UNC5B: variants seen among roughly 807,000 people sequenced by gnomAD.
The protein encoded by UNC5B is netrin receptor UNC5B.
Under a neutral mutation model 103.7 loss-of-function variants are expected in UNC5B, and 56 were observed. The ratio of observed to expected loss-of-function variants is 0.54; its 90% confidence interval spans 0.44 to 0.67. The LOEUF is 0.67. UNC5B is among the 30% of genes least tolerant of loss of function. UNC5B has a pLI of 0.00. For synonymous variants in UNC5B, 577 were observed against 542.0 expected, an observed-to-expected ratio of 1.06 and a Z score of -0.90; for missense variants, 1,194 against 1,284.5, an observed-to-expected ratio of 0.93 and a Z score of 1.08.
chr10:71,245,097 C>A (rs141971901), intron 1 of UNC5B, among the ~76,000 whole-genome samples: 1 of 152,246 alleles, frequency 6.6e-6, no homozygotes, highest in Non-Finnish European at 1.5e-5. Flanking sequence ...CTATTGTCCC[C>A]GGGCTCCCTT....
chr10:71,236,041 C>T (rs377064472), intron 1 of UNC5B, among the ~76,000 whole-genome samples: 9 of 152,330 alleles, frequency 5.9e-5, no homozygotes, highest in Admixed American at 4.6e-4. Flanking sequence ...GGGTCTCACT[C>T]GTCAACTGTA....
At chr10:71,293,261 CA>C (rs932995164) in intron 11 of UNC5B, 143 bp from the exon 12 acceptor site, 1 of 901,708 alleles carries the variant, frequency 1.1e-6, no homozygotes, top group African/African-American at 1.7e-5. Context: ...CCTTTGCCCC[CA>C]TGACCTCTGG....
intron 13 of UNC5B, 118 bp downstream of exon 13, chr10:71,294,051 A>G (rs1001621286): frequency 3.2e-6 from 3 of 933,624 alleles, no homozygotes; most frequent in Non-Finnish European, 4.7e-6. Flanking sequence ...CACCAGCATT[A>G]TTAGGTCCCG....
chr10:71,279,942 C>T lies in UNC5B; in HGVS notation c.201C>T (p.Leu67=), dbSNP rs769369141. 1 of 1,613,992 alleles carries T rather than the reference C, an allele frequency of 6.2e-7. No homozygotes were observed. Among genetic ancestry groups the T allele is most frequent in the Non-Finnish European group, 8.5e-7 (1 of 1,180,020 alleles). The change falls in exon 2 of 17, where the codon CTC becomes CTT. Residue 67 remains leucine (L), a synonymous_variant. Transcript: ENST00000335350. The part of the protein sequence containing the change: ...AYIVKNKPVE[L]RCRAFPATQI... ...TTGTGAAGAACAAGCCTGTGGAGCT[C>T]CGCTGCCGCGCCTTCCCCGCCACAC...
intron 8 of UNC5B, 97 bp from the exon 9 acceptor site, chr10:71,290,818 G>T: frequency 7.1e-7 from 1 of 1,407,436 alleles, no homozygotes; most frequent in Non-Finnish European, 9.5e-7. Flanking sequence ...CGGGCCGGTT[G>T]GCCCTGGGCC....
intron 1 of UNC5B, among the ~76,000 whole-genome samples, chr10:71,265,387 T>C (rs1369787013): frequency 6.6e-6 from 1 of 152,092 alleles, no homozygotes; most frequent in Non-Finnish European, 1.5e-5. Flanking sequence ...ATCAGGGGTG[T>C]CTGGGATGGA....
At chr10:71,231,773 TAA>T (rs1843689246) in intron 1 of UNC5B, among the ~76,000 whole-genome samples, 1 of 152,144 alleles carries the variant, frequency 6.6e-6, no homozygotes, top group African/African-American at 2.4e-5. Context: ...ACACTTATGT[TAA>T]AAAGAGACTA....
chr10:71,296,470 GA>G, intron 14 of UNC5B, 107 bp from the exon 15 acceptor site: 2 of 1,288,304 alleles, frequency 1.6e-6, no homozygotes, highest in East Asian at 5.0e-5. Flanking sequence ...TCTGGGTGGA[GA>G]GGCCTGAACT....
Position 71,222,201 on chromosome 10 carries a change from C to T in UNC5B, c.79+9137C>T, listed in dbSNP as rs114256607. 6.0e-3 allele frequency among the ~76,000 whole-genome samples: 907 copies of T among 152,156 alleles called. 11 individuals carry two copies. Among genetic ancestry groups the T allele is most frequent in the African/African-American group, 0.02 (845 of 41,500 alleles). On this transcript the variant is annotated intron_variant, in intron 1 of 16. Coordinates refer to ENST00000335350, the MANE Select transcript of UNC5B (RefSeq NM_170744.5). ...GTGTGGCCCTGGTAGGGGATGTGTA[C>T]GTGAAGGTATGGGTGTGAATGTCTG... is the stretch of plus-strand genomic sequence containing the variant.
intron 1 of UNC5B, among the ~76,000 whole-genome samples, chr10:71,229,732 T>G (rs756288994): frequency 1.3e-5 from 2 of 152,180 alleles, no homozygotes; most frequent in Admixed American, 6.5e-5. Flanking sequence ...GTTGTTGTGC[T>G]TCTGGGGCAG....
At chr10:71,221,986 A>G (rs1377393817) in intron 1 of UNC5B, among the ~76,000 whole-genome samples, 1 of 151,658 alleles carries the variant, frequency 6.6e-6, no homozygotes, top group Admixed American at 6.6e-5. Context: ...GACATTCACT[A>G]CTGTCATCAT....
At chr10:71,276,889 A>ACC (rs397806878) in intron 1 of UNC5B, among the ~76,000 whole-genome samples, 3 of 151,808 alleles carry the variant, frequency 2.0e-5, no homozygotes, top group African/African-American at 7.3e-5. Flanking sequence ...GTATAGGGAC[A>ACC]GCAAGAGGGC....
chr10:71,279,056 A>T (rs1279478727), intron 1 of UNC5B, among the ~76,000 whole-genome samples: 1 of 151,994 alleles, frequency 6.6e-6, no homozygotes, highest in Non-Finnish European at 1.5e-5. Flanking sequence ...TTGTGGGAGG[A>T]GACTGCCACA....
chr10:71,212,973 A>G lies in UNC5B; in HGVS notation c.-13A>G, dbSNP rs768036698. 1 of 1,348,024 alleles carries G rather than the reference A, an allele frequency of 7.4e-7. No homozygotes were observed. Among genetic ancestry groups the G allele is most frequent in the Non-Finnish European group, 9.5e-7 (1 of 1,047,166 alleles). 83.5% of individuals were successfully genotyped at this position (1,348,024 alleles called of 1,614,324 possible). On this transcript the variant is annotated 5_prime_UTR_variant, in exon 1 of 17. Coordinates refer to ENST00000335350, the MANE Select transcript of UNC5B (RefSeq NM_170744.5). ...GCCCTGGGGGAGAGGCGCCCGAACC[A>G]GGCCGCGGGAGCATGGGGGCCCGGA...
At chr10:71,285,499 T>G in intron 4 of UNC5B, 70 bp downstream of exon 4, 1 of 1,340,004 alleles carries the variant, frequency 7.5e-7, no homozygotes, top group Non-Finnish European at 1.0e-6. Flanking sequence ...GCAGGCATGG[T>G]ATTTACCACC....
intron 3 of UNC5B, 53 bp downstream of exon 3, chr10:71,284,916 A>G: frequency 6.5e-7 from 1 of 1,536,792 alleles, no homozygotes; most frequent in Non-Finnish European, 8.7e-7. Flanking sequence ...CCCATCCCTG[A>G]GGATGCTGGA....
chr10:71,258,760 C>G (rs1338826636), intron 1 of UNC5B, among the ~76,000 whole-genome samples: 3 of 152,254 alleles, frequency 2.0e-5, no homozygotes, highest in Non-Finnish European at 2.9e-5. Flanking sequence ...CCTCCAGAGT[C>G]ACCAAGGTCC....
At chr10:71,280,593 AG>A (rs1337660434) in intron 2 of UNC5B, among the ~76,000 whole-genome samples, 1 of 152,084 alleles carries the variant, frequency 6.6e-6, no homozygotes, top group Non-Finnish European at 1.5e-5. Flanking sequence ...GGGAAAGAGG[AG>A]AGCAGCTGAA....
chr10:71,257,141 T>C (rs1844309520), intron 1 of UNC5B, among the ~76,000 whole-genome samples: 1 of 152,180 alleles, frequency 6.6e-6, no homozygotes, highest in African/African-American at 2.4e-5. Flanking sequence ...GGGTTCCCTC[T>C]GTGAGCCAGC....
Sources: allele counts gnomAD v4.1 joint callset (sites outside exome capture counted in the v4.1 genomes callset), GRCh38; gene constraint gnomAD v4.1.1; transcripts MANE v1.5; gene names NCBI Gene and HGNC (gene_info 2026-07-23, HGNC 2026-07-21).